SV2C: variants seen among roughly 807,000 people sequenced by gnomAD.
The protein encoded by SV2C is synaptic vesicle glycoprotein 2C, also known as solute carrier family 22 member B3.
SV2C carries 49 observed loss-of-function variants against 79.7 expected under a neutral mutation model. The observed-to-expected ratio is 0.61, with a 90% CI of 0.49 to 0.78. The LOEUF (loss-of-function observed/expected upper bound fraction) is 0.78. SV2C is among the 30% of genes least tolerant of loss of function. SV2C has a pLI of 0.00. For synonymous variants in SV2C, 334 were observed against 333.2 expected, an observed-to-expected ratio of 1.00 and a Z score of -0.03; for missense variants, 833 against 912.9, an observed-to-expected ratio of 0.91 and a Z score of 1.13.
chr5:76,217,189 G>A (rs552769921), intron 4 of SV2C, among the ~76,000 whole-genome samples: 2 of 152,252 alleles, frequency 1.3e-5, no homozygotes, highest in South Asian at 2.1e-4. Flanking sequence ...TCCCATAAAC[G>A]TCAGACTTAC....
the SV2C span, among the ~76,000 whole-genome samples, chr5:75,945,011 A>C: frequency 2.0e-5 from 3 of 152,148 alleles, no homozygotes; most frequent in East Asian, 5.8e-4. Flanking sequence ...ACAAAAATCC[A>C]GGAAATAATA....
chr5:76,196,057 G>A (rs1452624473), intron 3 of SV2C, among the ~76,000 whole-genome samples: 1 of 152,064 alleles, frequency 6.6e-6, no homozygotes, highest in Non-Finnish European at 1.5e-5. Context: ...ACGGGGCTGG[G>A]TTATAAACTT....
chr5:76,258,241 A>G (rs1450333030), intron 4 of SV2C, among the ~76,000 whole-genome samples: 1 of 151,956 alleles, frequency 6.6e-6, no homozygotes, highest in Non-Finnish European at 1.5e-5. Context: ...TAGAAACAGT[A>G]ACTGCTGCCC....
At chr5:75,891,648 C>A in the SV2C span, among the ~76,000 whole-genome samples, 1 of 152,046 alleles carries the variant, frequency 6.6e-6, no homozygotes, top group Non-Finnish European at 1.5e-5. Flanking sequence ...TGAGTTATAA[C>A]AGATGGCATG....
chr5:75,907,380 C>A, the SV2C span, among the ~76,000 whole-genome samples: 1 of 152,286 alleles, frequency 6.6e-6, no homozygotes, highest in Non-Finnish European at 1.5e-5. Context: ...TATTGGAGGT[C>A]TTGTCTGTGC....
chr5:76,223,375 T>C (rs1210140716), intron 4 of SV2C, among the ~76,000 whole-genome samples: 1 of 145,326 alleles, frequency 6.9e-6, no homozygotes, highest in Non-Finnish European at 1.5e-5. Context: ...TTACAATGAG[T>C]CATGGTCAGG....
chr5:76,245,926 G>GTGTGTGTA (rs1351256912), intron 4 of SV2C, among the ~76,000 whole-genome samples: 48 of 146,984 alleles, frequency 3.3e-4, no homozygotes, highest in Non-Finnish European at 2.5e-4. Context: ...GTGTGTGTGT[G>GTGTGTGTA]TGTGTGTGTA....
chr5:75,936,161 C>A, the SV2C span, among the ~76,000 whole-genome samples: 1 of 152,158 alleles, frequency 6.6e-6, no homozygotes, highest in Non-Finnish European at 1.5e-5. Flanking sequence ...TGCAATCTGG[C>A]CTCAAGGGAG....
At chr5:75,847,580 A>G in the SV2C span, among the ~76,000 whole-genome samples, 1 of 152,224 alleles carries the variant, frequency 6.6e-6, no homozygotes, top group Non-Finnish European at 1.5e-5. Context: ...CAACTTGTAT[A>G]GCTGCCCACA....
chr5:75,922,893 C>T, the SV2C span, among the ~76,000 whole-genome samples: 1 of 152,176 alleles, frequency 6.6e-6, no homozygotes, highest in African/African-American at 2.4e-5. Context: ...ATGTGTTAAG[C>T]ACTGAGCATA....
intron 8 of SV2C, among the ~76,000 whole-genome samples, chr5:76,294,291 T>C (rs1747664524): frequency 6.8e-6 from 1 of 147,790 alleles, no homozygotes; most frequent in Non-Finnish European, 1.5e-5. Context: ...TTTGTTTCAT[T>C]CATTCTCTCT....
chr5:76,037,500 C>G, the SV2C span, among the ~76,000 whole-genome samples: 1 of 152,070 alleles, frequency 6.6e-6, no homozygotes, highest in Non-Finnish European at 1.5e-5. Context: ...TTGGAGTACC[C>G]GGCCGTGTGA....
chr5:76,103,912 A>G (rs77011714), intron 1 of SV2C, among the ~76,000 whole-genome samples: 8,933 of 152,296 alleles, frequency 0.059, 857 homozygotes, highest in African/African-American at 0.2. Context: ...AGATATTTCA[A>G]GAAAACAAAG....
At chr5:75,967,319 T>C in the SV2C span, among the ~76,000 whole-genome samples, 1 of 152,128 alleles carries the variant, frequency 6.6e-6, no homozygotes, top group African/African-American at 2.4e-5. Flanking sequence ...TGCTGGACAG[T>C]GGGTGCAGAA....
Position 76,325,503 on chromosome 5 carries a change from G to T in SV2C, c.2140G>T (p.Val714Phe), listed in dbSNP as rs766432727. ...ASTVLVCGGL[V>F]GLCLPDTRTQ... ...TACTGTGCTCGTGTGTGGAGGACTC[G>T]TTGGGCTGTGCCTGCCTGACACACG... Residue 714 changes from valine (V) to phenylalanine (F), a missense_variant, in exon 13 of 13, where the codon GTT becomes TTT. Transcript: ENST00000502798. 1.9e-6 allele frequency: 3 copies of T among 1,614,142 alleles called. No homozygotes were observed. The highest frequency in any genetic ancestry group is 2.5e-6 in the Non-Finnish European group (3 of 1,180,028).
chr5:76,123,869 A>G (rs1378970774), intron 1 of SV2C, among the ~76,000 whole-genome samples: 1 of 152,132 alleles, frequency 6.6e-6, no homozygotes, highest in African/African-American at 2.4e-5. Context: ...TAACCCAACA[A>G]ATGAGAAAAT....
chr5:75,965,746 A>G, the SV2C span, among the ~76,000 whole-genome samples: 1 of 151,962 alleles, frequency 6.6e-6, no homozygotes, highest in Non-Finnish European at 1.5e-5. Flanking sequence ...AGTTTTTTTT[A>G]TTCTACCTAC....
At chr5:75,857,172 T>A in the SV2C span, among the ~76,000 whole-genome samples, 2 of 152,080 alleles carry the variant, frequency 1.3e-5, no homozygotes, top group South Asian at 4.1e-4. Flanking sequence ...TTAGCCAGGA[T>A]GGTCTCGATC....
the SV2C span, chr5:75,921,757 A>C: frequency 2.2e-4 from 82 of 377,300 alleles, no homozygotes; most frequent in Middle Eastern, 1.7e-3. Flanking sequence ...TCAGAAGCTC[A>C]TGGTATCTAC....
Sources: allele counts gnomAD v4.1 joint callset (sites outside exome capture counted in the v4.1 genomes callset), GRCh38; gene constraint gnomAD v4.1.1; transcripts MANE v1.5; gene names NCBI Gene and HGNC (gene_info 2026-07-23, HGNC 2026-07-21).